The following CDC14B variants were observed in gnomAD, a reference collection of about 807,000 sequenced individuals.
The protein encoded by CDC14B is cell division cycle 14B.
In CDC14B, 22 loss-of-function variants were observed where a neutral mutation model predicts 64.2. The ratio of observed to expected loss-of-function variants is 0.34; its 90% CI spans 0.24 to 0.49. CDC14B has a LOEUF of 0.49. CDC14B is among the 20% of genes least tolerant of loss of function. CDC14B has a pLI of 0.99. For missense variants in CDC14B, 498 were observed against 629.9 expected (o/e 0.79, Z 2.24); for synonymous variants, 191 against 215.8 (o/e 0.89, Z 1.01).
At chr9:96,513,161 A>G (rs141910861) in intron 12 of CDC14B, among the ~76,000 whole-genome samples, 72 of 152,348 alleles carry the variant, frequency 4.7e-4, no homozygotes, top group African/African-American at 1.7e-3. Context: ...TAATAATATT[A>G]AATAGCTAGT....
In CDC14B at chr9:96,503,146, C is replaced by A; in HGVS notation, c.*607G>T. ...TACCACCTGGTCTTACAACATGCAA[C>A]AGTGTTTAAATGTGATTTTCACAGA... On this transcript the variant is annotated 3_prime_UTR_variant, in exon 14 of 14. Transcript: ENST00000375241. 5.7e-6 allele frequency: 2 copies of A among 351,890 alleles called. No homozygotes were observed. Among genetic ancestry groups the A allele is most frequent in the Non-Finnish European group, 1.0e-5 (2 of 197,266 alleles). The allele number at this position is 351,890 out of a possible 1,614,324, so 21.8% of individuals were successfully genotyped here.
Position 96,584,365 on chromosome 9 carries a change from G to A in CDC14B, c.161-18882C>T, listed in dbSNP as rs553674730. Among the ~76,000 whole-genome samples the A allele has an allele frequency of 9.9e-5, 15 of 152,188 alleles. No individual in the cohort carries two copies. In the South Asian group the frequency reaches 2.7e-3, roughly 27 times the overall value. Reference sequence around the variant, plus strand: ...TGGATGACCAGATTGGCTCAGGTCCGTTTCCAGCAGTATGGTACAAAGAAT... The same window carrying A: ...TGGATGACCAGATTGGCTCAGGTCCATTTCCAGCAGTATGGTACAAAGAAT... On this transcript the variant is annotated intron_variant, in intron 1 of 13. Coordinates refer to ENST00000375241, the MANE Select transcript of CDC14B (RefSeq NM_033331.4).
downstream of CDC14B, among the ~76,000 whole-genome samples, chr9:96,496,043 A>C (rs1300291747): frequency 6.6e-6 from 1 of 152,140 alleles, no homozygotes; most frequent in African/African-American, 2.4e-5. Flanking sequence ...TCCTAGCCTA[A>C]GAAAGTGTCA....
intron 4 of CDC14B, among the ~76,000 whole-genome samples, chr9:96,554,828 A>T (rs1240371347): frequency 1.3e-5 from 2 of 152,166 alleles, no homozygotes; most frequent in African/African-American, 4.8e-5. Context: ...GGCCTTCCCA[A>T]ATGAAATCAT....
chr9:96,584,963 A>G (rs1214495513), intron 1 of CDC14B, among the ~76,000 whole-genome samples: 1 of 152,170 alleles, frequency 6.6e-6, no homozygotes, highest in East Asian at 1.9e-4. Flanking sequence ...GCCAAGACTT[A>G]CTTCAATGAG....
intron 6 of CDC14B, among the ~76,000 whole-genome samples, chr9:96,540,603 TAA>T (rs1001605058): frequency 1.4e-5 from 2 of 143,892 alleles, no homozygotes; most frequent in African/African-American, 5.1e-5. Flanking sequence ...AATACCCAAT[TAA>T]AAAAAAAAAA....
intron 9 of CDC14B, among the ~76,000 whole-genome samples, chr9:96,525,204 G>A (rs1401258676): frequency 3.3e-5 from 5 of 152,192 alleles, no homozygotes; most frequent in African/African-American, 1.2e-4. Flanking sequence ...CCTCTAAAGA[G>A]ATTACCTAGA....
chr9:96,581,588 T>C lies in CDC14B; in HGVS notation c.161-16105A>G, dbSNP rs149646207. ...AGAGTTACAGTGGTTACCAAGGAGATGGCCACTGTAAAGAGTTACAGTGGT... is the reference window on the plus strand; with the variant it reads ...AGAGTTACAGTGGTTACCAAGGAGACGGCCACTGTAAAGAGTTACAGTGGT... On this transcript the variant is annotated intron_variant, in intron 1 of 13. Coordinates refer to ENST00000375241, the MANE Select transcript of CDC14B (RefSeq NM_033331.4). Among the ~76,000 whole-genome samples the C allele has an allele frequency of 6.6e-5, 10 of 150,768 alleles. 1 individual carries two copies. The East Asian group carries it at 1.9e-3, about 29-fold the overall frequency.
chr9:96,495,377 CACCCATGTGTGCTG>C (rs1247825759), downstream of CDC14B, among the ~76,000 whole-genome samples: 13 of 151,882 alleles, frequency 8.6e-5, no homozygotes, highest in East Asian at 2.2e-3. Context: ...CCTTTCTGGG[CACCCATGTGTGCTG>C]CCCCCCCCCG....
intron 1 of CDC14B, among the ~76,000 whole-genome samples, chr9:96,571,973 G>T (rs1844506487): frequency 6.6e-6 from 1 of 152,064 alleles, no homozygotes; most frequent in Non-Finnish European, 1.5e-5. Flanking sequence ...CAACACACTT[G>T]TCCATCCTTC....
intron 1 of CDC14B, among the ~76,000 whole-genome samples, chr9:96,603,493 G>A (rs1209262329): frequency 6.6e-6 from 1 of 152,214 alleles, no homozygotes; most frequent in African/African-American, 2.4e-5. Context: ...CATGAAACTA[G>A]AAACCTGGCT....
intron 1 of CDC14B, among the ~76,000 whole-genome samples, chr9:96,599,032 C>T (rs988515046): frequency 2.0e-5 from 3 of 152,066 alleles, no homozygotes; most frequent in South Asian, 2.1e-4. Flanking sequence ...GAAATTATGC[C>T]GTATCTTATA....
rs546998632 is a variant in CDC14B, at chr9:96,600,509, GT to G, written c.160+18709del. ...GAGAGTATTCTAAATAGAGCTTGTG[GT>G]TTTTTTTTTTGAGATGGGGTCTAAC... On this transcript the variant is annotated intron_variant, in intron 1 of 13. Transcript: ENST00000375241. Among the ~76,000 whole-genome samples, 45 of 145,496 alleles carry G rather than the reference GT, an allele frequency of 3.1e-4. No individual in the cohort carries two copies. The South Asian group carries it at 4.2e-3, about 14-fold the overall frequency.
At chr9:96,608,899 AC>A (rs1847136389) in intron 1 of CDC14B, among the ~76,000 whole-genome samples, 2 of 138,164 alleles carry the variant, frequency 1.4e-5, no homozygotes, top group Admixed American at 7.1e-5. Context: ...ACAGACACAC[AC>A]ACACACACAC....
chr9:96,513,375 C>T (rs1357239517), intron 12 of CDC14B, among the ~76,000 whole-genome samples: 2 of 152,194 alleles, frequency 1.3e-5, no homozygotes, highest in African/African-American at 2.4e-5. Flanking sequence ...CAGAGGGTGA[C>T]GTGTTGCCTC....
intron 12 of CDC14B, among the ~76,000 whole-genome samples, chr9:96,510,967 T>G (rs1327063935): frequency 2.0e-5 from 3 of 152,202 alleles, no homozygotes; most frequent in Non-Finnish European, 4.4e-5. Context: ...TATACACACA[T>G]TTATAGATAC....
At chr9:96,517,741 C>G (rs1355157576) in intron 12 of CDC14B, among the ~76,000 whole-genome samples, 1 of 151,204 alleles carries the variant, frequency 6.6e-6, no homozygotes, top group Non-Finnish European at 1.5e-5. Flanking sequence ...TCATAGTTCA[C>G]TGTAACCTCC....
rs117054494 is a variant in CDC14B, at chr9:96,599,703, G to A, written c.160+19516C>T. Among the ~76,000 whole-genome samples, 20 of 152,152 alleles carry A rather than the reference G, an allele frequency of 1.3e-4. No individual in the cohort carries two copies. The East Asian group carries it at 3.5e-3, about 26-fold the overall frequency. ...TAAGATGCTTTCATTTCAGGAAACC[G>A]GGTGAGCTCTCTGTATTATTTCTGT... On this transcript the variant is annotated intron_variant, in intron 1 of 13. Coordinates refer to ENST00000375241, the MANE Select transcript of CDC14B (RefSeq NM_033331.4).
At chr9:96,536,949 T>C (rs1205493726) in intron 7 of CDC14B, among the ~76,000 whole-genome samples, 2 of 152,196 alleles carry the variant, frequency 1.3e-5, no homozygotes, top group African/African-American at 4.8e-5. Context: ...AACACACCTG[T>C]GGTTTTGCCT....
Sources: gnomAD v4.1 joint callset for allele counts (sites outside exome capture counted in the v4.1 genomes callset) on GRCh38, gnomAD v4.1.1 for gene constraint, MANE v1.5 for transcripts, NCBI Gene and HGNC (gene_info 2026-07-23, HGNC 2026-07-21) for gene names.